Variants in EYA2 observed in about 807,000 individuals in gnomAD.
EYA2 encodes the protein EYA transcriptional coactivator and phosphatase 2, also known as protein phosphatase EYA2.
A neutral mutation model predicts 69.2 loss-of-function variants in EYA2; 31 were observed. The ratio of observed to expected loss-of-function variants is 0.45; its 90% CI spans 0.34 to 0.60. The LOEUF is 0.60. Ranked by LOEUF, EYA2 falls within the 20% of genes least tolerant of loss-of-function variation. The pLI is 0.02. For missense variants in EYA2, 622 were observed against 701.2 expected, an observed-to-expected ratio of 0.89 and a Z score of 1.28; for synonymous variants, 257 against 279.4, an observed-to-expected ratio of 0.92 and a Z score of 0.80.
At chr20:47,112,862 C>CTT (rs11473217) in intron 9 of EYA2, among the ~76,000 whole-genome samples, 3,214 of 55,624 alleles carry the variant, frequency 0.058, 736 homozygotes, top group African/African-American at 0.14. Context: ...ATGTTCACTC[C>CTT]TTTTTTTTTT....
At chr20:47,167,995 C>T (rs563412649) in intron 10 of EYA2, among the ~76,000 whole-genome samples, 6 of 152,186 alleles carry the variant, frequency 3.9e-5, no homozygotes, top group East Asian at 3.9e-4. Context: ...CAGCAGCTCC[C>T]GGCTTAATCC....
rs140198257 is a variant in EYA2, at chr20:47,073,068, G to A, written c.483+816G>A. On this transcript the variant is annotated intron_variant, in intron 6 of 15. Transcript: ENST00000327619. ...TAAATAAAACAGTACTTTTTAAGAT[G>A]TGGTTCTTAACCCTCCATTTCACCA... Among the ~76,000 whole-genome samples the A allele has an allele frequency of 4.3e-4, 65 of 152,254 alleles. No homozygotes were observed. The East Asian group carries it at 0.012, about 28-fold the overall frequency.
In EYA2 at chr20:47,085,657, G is replaced by A. The variant is rs6012114; in HGVS notation, c.662-3582G>A. ...GAGACTCTGTCTCAAAAAAAAAAAAGAAAGAAAGAAATGAAGTATCGATAA... is the reference window on the plus strand; with the variant it reads ...GAGACTCTGTCTCAAAAAAAAAAAAAAAAGAAAGAAATGAAGTATCGATAA... On this transcript the variant is annotated intron_variant, in intron 7 of 15. Coordinates refer to ENST00000327619, the MANE Select transcript of EYA2 (RefSeq NM_005244.5). 3.1e-3 allele frequency among the ~76,000 whole-genome samples: 434 copies of A among 137,814 alleles called. 3 individuals are homozygous for A. Among genetic ancestry groups the A allele is most frequent in the African/African-American group, 0.014 (410 of 28,966 alleles). 90.4% of individuals were successfully genotyped at this position (137,814 alleles called of 152,430 possible).
intron 9 of EYA2, among the ~76,000 whole-genome samples, chr20:47,129,664 A>C (rs765139598): frequency 6.6e-5 from 10 of 152,176 alleles, no homozygotes; most frequent in Non-Finnish European, 1.0e-4. Flanking sequence ...GACAACAGAC[A>C]TGGGGGACAA....
At chr20:46,915,275 C>T (rs1984849070) in intron 1 of EYA2, among the ~76,000 whole-genome samples, 1 of 152,166 alleles carries the variant, frequency 6.6e-6, no homozygotes, top group Admixed American at 6.5e-5. Flanking sequence ...AAAACACGCC[C>T]ACTGCCTCCA....
chr20:46,971,493 C>A (rs143395688), intron 1 of EYA2, among the ~76,000 whole-genome samples: 1 of 152,184 alleles, frequency 6.6e-6, no homozygotes, highest in South Asian at 2.1e-4. Context: ...CTAGTGACTG[C>A]GCTTAGTCAC....
At chr20:47,160,070 G>GGT (rs1250526257) in intron 10 of EYA2, among the ~76,000 whole-genome samples, 2 of 152,168 alleles carry the variant, frequency 1.3e-5, no homozygotes, top group African/African-American at 4.8e-5. Context: ...TTTGGAGGGA[G>GGT]GTGATATCCA....
chr20:46,925,538 GCAA>G (rs1568669520), intron 1 of EYA2, among the ~76,000 whole-genome samples: 5 of 152,144 alleles, frequency 3.3e-5, no homozygotes, highest in Non-Finnish European at 7.4e-5. Flanking sequence ...GTATGAACAG[GCAA>G]TTCACAGGAA....
In EYA2 at chr20:47,016,260, A is replaced by C. The variant is rs748478693; in HGVS notation, c.378A>C (p.Ser126=). Residue 126 remains serine (S), a synonymous_variant, in exon 5 of 16, where the codon TCA becomes TCC. Transcript: ENST00000327619. ...FLSYGSSFST[S]PTGQSPYTYQ... ...GCTATGGCTCCAGCTTCAGCACCTC[A>C]CCCACTGGACAGAGCCCATACACCT... is the stretch of plus-strand genomic sequence containing the variant. The C allele has an allele frequency of 3.1e-6, 5 of 1,613,788 alleles. No individual in the cohort carries two copies. Among genetic ancestry groups the C allele is most frequent in the Non-Finnish European group, 4.2e-6 (5 of 1,179,954 alleles).
At chr20:47,099,691 G>A (rs577252799) in intron 9 of EYA2, among the ~76,000 whole-genome samples, 70 of 152,322 alleles carry the variant, frequency 4.6e-4, no homozygotes, top group Admixed American at 3.1e-3. Context: ...CTTTTATTAA[G>A]TTAAATCCTA....
chr20:46,911,504 T>G (rs988117824), intron 1 of EYA2, among the ~76,000 whole-genome samples: 3 of 152,212 alleles, frequency 2.0e-5, no homozygotes, highest in Non-Finnish European at 2.9e-5. Flanking sequence ...TGAGGCTGTT[T>G]ATGACTGCCT....
chr20:47,123,151 G>A (rs1018111644), intron 9 of EYA2, among the ~76,000 whole-genome samples: 3 of 152,082 alleles, frequency 2.0e-5, no homozygotes, highest in Admixed American at 1.3e-4. Flanking sequence ...TTGTAGATAA[G>A]CAAATGACAC....
intron 10 of EYA2, among the ~76,000 whole-genome samples, chr20:47,152,810 C>CA (rs1374007225): frequency 0.06 from 4,609 of 76,208 alleles, 247 homozygotes; most frequent in African/African-American, 0.18. Flanking sequence ...GACTCAGTCT[C>CA]AAAAAAAAAA....
intron 11 of EYA2, 98 bp from the exon 12 acceptor site, chr20:47,172,609 A>G (rs2034343462): frequency 2.2e-6 from 3 of 1,375,712 alleles, no homozygotes; most frequent in Non-Finnish European, 2.0e-6. Context: ...TGGACACCCA[A>G]AAGCCCACCC....
intron 1 of EYA2, among the ~76,000 whole-genome samples, chr20:46,968,797 C>A (rs1979949712): frequency 6.6e-6 from 1 of 152,150 alleles, no homozygotes; most frequent in Non-Finnish European, 1.5e-5. Context: ...CCCCCACCGA[C>A]CCCACTAAGA....
At position 47,074,293 on chromosome 20, in the gene EYA2, G is replaced by A; in HGVS notation, c.619G>A (p.Ala207Thr). Reference sequence around the variant, plus strand: ...CACGTCCACCTACGTCCTCCAGGAGGCATCTCACAACGTCCCCAACCAGAG... The same window carrying A: ...CACGTCCACCTACGTCCTCCAGGAGACATCTCACAACGTCCCCAACCAGAG... ...LSTSTYVLQEASHNVPNQSSE... is the reference protein window; with the variant it reads ...LSTSTYVLQETSHNVPNQSSE... The change falls in exon 7 of 16, where the codon GCA becomes ACA. Residue 207 changes from alanine (A) to threonine (T), a missense_variant. By Grantham distance (58) the Ala-to-Thr change is moderately conservative. Transcript: ENST00000327619. 1.2e-6 allele frequency: 2 copies of A among 1,614,056 alleles called. No homozygotes were observed. The highest frequency in any genetic ancestry group is 2.7e-5 in the African/African-American group (2 of 75,044).
At chr20:47,036,665 C>A (rs1007160779) in intron 5 of EYA2, among the ~76,000 whole-genome samples, 5 of 152,164 alleles carry the variant, frequency 3.3e-5, no homozygotes, top group African/African-American at 1.2e-4. Flanking sequence ...GGTTCAGTGC[C>A]AATCAGGACA....
intron 9 of EYA2, among the ~76,000 whole-genome samples, chr20:47,101,564 G>C (rs1229086926): frequency 6.6e-6 from 1 of 152,206 alleles, no homozygotes; most frequent in Non-Finnish European, 1.5e-5. Context: ...CTCTGAGAGG[G>C]AGAAAAGAAG....
chr20:47,049,309 A>T (rs1350689495), intron 5 of EYA2, among the ~76,000 whole-genome samples: 4 of 152,196 alleles, frequency 2.6e-5, no homozygotes, highest in Middle Eastern at 6.8e-3. Flanking sequence ...TAAACTACAG[A>T]CTTTATTTGG....
Sources: gnomAD v4.1 joint callset for allele counts (sites outside exome capture counted in the v4.1 genomes callset) on GRCh38, gnomAD v4.1.1 for gene constraint, MANE v1.5 for transcripts, NCBI Gene and HGNC (gene_info 2026-07-23, HGNC 2026-07-21) for gene names.